Variants in ABCA1 observed in about 807,000 individuals in gnomAD.
The protein encoded by ABCA1 is ATP binding cassette subfamily A member 1, also known as phospholipid-transporting ATPase ABCA1.
ABCA1 carries 133 observed loss-of-function variants against 262.5 expected under a neutral mutation model. The ratio of observed to expected loss-of-function variants is 0.51; its 90% CI spans 0.44 to 0.59. The LOEUF (loss-of-function observed/expected upper bound fraction) is 0.59, where lower values mean the gene tolerates loss of function less well. Ranked by LOEUF, ABCA1 falls within the 20% of genes least tolerant of loss-of-function variation. The pLI, the probability that ABCA1 is intolerant of heterozygous loss-of-function variation, is 0.00. For missense variants in ABCA1, 2,452 were observed against 2,777.5 expected, an observed-to-expected ratio of 0.88 and a Z score of 2.63; for synonymous variants, 1,022 against 1,043.5, an observed-to-expected ratio of 0.98 and a Z score of 0.40.
At chr9:104,800,632 A>G in intron 34 of ABCA1, 48 bp from the exon 35 acceptor site, 2 of 1,549,786 alleles carry the variant, frequency 1.3e-6, no homozygotes, top group Non-Finnish European at 1.8e-6. Context: ...CACATAGATA[A>G]GGGGCAACAG....
In ABCA1 at chr9:104,802,037, T is replaced by C. The variant is rs1830381665; in HGVS notation, c.4698+17A>G. ...ACATGCCCATTTTTCTGATACATCT[T>C]ACGATAGATATTTTACCTTGGCCAG... is the stretch of plus-strand genomic sequence containing the variant. On this transcript the variant is annotated intron_variant, in intron 34 of 49. Transcript: ENST00000374736. 1 of 1,611,898 alleles carries C rather than the reference T, an allele frequency of 6.2e-7. No homozygotes were observed. Among genetic ancestry groups the C allele is most frequent in the South Asian group, 1.1e-5 (1 of 91,028 alleles).
intron 8 of ABCA1, among the ~76,000 whole-genome samples, chr9:104,841,941 C>T (rs536184384): frequency 6.6e-6 from 1 of 152,336 alleles, no homozygotes; most frequent in African/African-American, 2.4e-5. Flanking sequence ...TCCCTGTATT[C>T]CTGGAAATGT....
chr9:104,785,700 G>GCGCCTGT, intron 48 of ABCA1, 61 bp from the exon 49 acceptor site: 7 of 1,601,648 alleles, frequency 4.4e-6, no homozygotes, highest in Admixed American at 1.7e-5. Context: ...AAAGAATACT[G>GCGCCTGT]AACCCTGGGA....
In ABCA1 at chr9:104,785,524, G is replaced by C. The variant is rs768037345; in HGVS notation, c.6517C>G (p.Arg2173Gly). Reference protein sequence around the residue: ...FPGSVLKEKHRNMLQYQLPSS... With the variant: ...FPGSVLKEKHGNMLQYQLPSS... ...GGAAGCTGGTATTGTAGCATGTTCC[G>C]GTGTTTCTCTTTTAGAACACTTCCA... Residue 2173 changes from arginine to glycine, a missense_variant, in exon 49 of 50, where the codon CGG (arginine) becomes GGG (glycine). By Grantham distance (125) the Arg-to-Gly change is moderately radical. Coordinates refer to ENST00000374736, the MANE Select transcript of ABCA1 (RefSeq NM_005502.4). 6.2e-7 allele frequency: 1 copy of C among 1,613,594 alleles called. No homozygotes were observed. Among genetic ancestry groups the C allele is most frequent in the Admixed American group, 1.7e-5 (1 of 59,976 alleles).
At chr9:104,787,799 T>C (rs1469103088) in intron 46 of ABCA1, 121 bp downstream of exon 46, 7 of 1,604,228 alleles carry the variant, frequency 4.4e-6, no homozygotes, top group Non-Finnish European at 5.1e-6. Flanking sequence ...CCAAGGTTGC[T>C]CTGCTGTCCC....
intron 5 of ABCA1, among the ~76,000 whole-genome samples, chr9:104,875,936 T>G (rs543235825): frequency 6.6e-6 from 1 of 152,300 alleles, no homozygotes; most frequent in East Asian, 1.9e-4. Flanking sequence ...TCAGCAGGTC[T>G]AGAAAATGAT....
intron 46 of ABCA1, 61 bp from the exon 47 acceptor site, chr9:104,787,037 GTTTTTAAAT>G: frequency 6.8e-7 from 1 of 1,468,198 alleles, no homozygotes; most frequent in South Asian, 1.2e-5. Context: ...AGATAAATTT[GTTTTTAAAT>G]GCAGAAGCAT....
rs199976989 is a variant in ABCA1 at position 104,903,705 on chromosome 9, T to G, written c.-26A>C. ...GTTCCCTCAGCCAGCACCCCCAGCG[T>G]GTGGCTCGGGAGCCCTGGAAGGCAG... On this transcript the variant is annotated 5_prime_UTR_variant, in exon 2 of 50. Transcript: ENST00000374736. The G allele has an allele frequency of 2.3e-4, 354 of 1,565,972 alleles. No individual in the cohort carries two copies. Among genetic ancestry groups the G allele is most frequent in the Non-Finnish European group, 2.9e-4 (333 of 1,154,784 alleles).
intron 17 of ABCA1, 114 bp downstream of exon 17, chr9:104,825,569 A>C (rs1832744223): frequency 9.6e-7 from 1 of 1,042,690 alleles, no homozygotes; most frequent in Non-Finnish European, 1.5e-6. Flanking sequence ...TTTACTATAG[A>C]TCTATAGCCC....
chr9:104,788,655 C>T, intron 44 of ABCA1, 88 bp from the exon 45 acceptor site: 1 of 1,476,814 alleles, frequency 6.8e-7, no homozygotes, highest in Non-Finnish European at 9.4e-7. Context: ...GTAAAGTATG[C>T]TTCTCCATTA....
chr9:104,870,360 G>A (rs1272107294), intron 5 of ABCA1, among the ~76,000 whole-genome samples: 2 of 152,220 alleles, frequency 1.3e-5, no homozygotes, highest in Non-Finnish European at 2.9e-5. Context: ...TGCATTCTAA[G>A]AGGAGATGGC....
intron 43 of ABCA1, 55 bp from the exon 44 acceptor site, chr9:104,791,083 G>T: frequency 1.6e-6 from 2 of 1,247,496 alleles, no homozygotes; most frequent in Non-Finnish European, 2.4e-6. Flanking sequence ...GAATATAAAT[G>T]CCCCTAACAC....
At position 104,783,237 on chromosome 9, in the gene ABCA1, A is replaced by G. The variant is rs1236924206; in HGVS notation, c.*1078T>C. 6.6e-6 allele frequency: 1 copy of G among 152,270 alleles called. No individual in the cohort carries two copies. Among genetic ancestry groups the G allele is most frequent in the Non-Finnish European group, 1.5e-5 (1 of 68,044 alleles). The allele number at this position is 152,270 out of a possible 1,614,324, so 9.4% of individuals were successfully genotyped here. A position where few individuals can be genotyped will look rare whatever the true frequency, so the allele number is the denominator to read the frequency against. ...TACAAAGAGGCCATTCTAAGGATTC[A>G]GAAGTCACTGATAGAACTTAAAATT... On this transcript the variant is annotated 3_prime_UTR_variant, in exon 50 of 50. Transcript: ENST00000374736.
chr9:104,865,887 G>A (rs1837046782), intron 5 of ABCA1, among the ~76,000 whole-genome samples: 1 of 152,148 alleles, frequency 6.6e-6, no homozygotes. Context: ...TGCCTTCGAG[G>A]AACTTTCAAG....
intron 7 of ABCA1, among the ~76,000 whole-genome samples, chr9:104,857,229 A>G (rs2472444): frequency 0.38 from 58,239 of 151,634 alleles, 12,996 homozygotes; most frequent in African/African-American, 0.63. Context: ...CTTAAGCCTG[A>G]GAGGCGGAGG....
intron 30 of ABCA1, among the ~76,000 whole-genome samples, chr9:104,807,871 CACACAT>C (rs770332273): frequency 0.67 from 87,540 of 130,992 alleles, 30,176 homozygotes; most frequent in Non-Finnish European, 0.77. Context: ...CACACACACA[CACACAT>C]ATATATATTA....
rs1831737184 is a variant in ABCA1, at chr9:104,816,190, C to G, written c.3691G>C (p.Asp1231His). The G allele has an allele frequency of 6.2e-7, 1 of 1,614,184 alleles. No individual in the cohort carries two copies. The highest frequency in any genetic ancestry group is 2.2e-5 in the East Asian group (1 of 44,868). Residue 1231 changes from aspartate to histidine, a missense_variant, in exon 25 of 50, where the codon GAC becomes CAC. Coordinates refer to ENST00000374736, the MANE Select transcript of ABCA1 (RefSeq NM_005502.4). The part of the protein sequence containing the change: ...LFHEIDDRLS[D>H]LGISSYGISE... ...ATGCCATAACTAGAAATGCCCAGGT[C>G]TGAGAGCCGGTCATCAATCTCATGA...
At chr9:104,916,649 T>C (rs752057025) in intron 1 of ABCA1, among the ~76,000 whole-genome samples, 2 of 152,240 alleles carry the variant, frequency 1.3e-5, no homozygotes, top group Admixed American at 1.3e-4. Context: ...CACGCCATTC[T>C]ACCACTGTGG....
At chr9:104,865,718 G>C (rs1268255036) in intron 5 of ABCA1, among the ~76,000 whole-genome samples, 1 of 152,014 alleles carries the variant, frequency 6.6e-6, no homozygotes, top group African/African-American at 2.4e-5. Context: ...TTAAGTGAAG[G>C]TAATAGTATC....
Sources: allele counts gnomAD v4.1 joint callset (sites outside exome capture counted in the v4.1 genomes callset), GRCh38; gene constraint gnomAD v4.1.1; transcripts MANE v1.5; gene names NCBI Gene and HGNC (gene_info 2026-07-23, HGNC 2026-07-21).